CACNB2: variants seen among roughly 807,000 people sequenced by gnomAD.
CACNB2 encodes the protein voltage-dependent L-type calcium channel subunit beta-2.
CACNB2 carries 42 observed loss-of-function variants against 73.3 expected under a neutral mutation model. That is an observed-to-expected ratio of 0.57 (90% CI 0.45 to 0.74). The LOEUF (loss-of-function observed/expected upper bound fraction) is 0.74. Ranked by LOEUF, CACNB2 falls within the 30% of genes least tolerant of loss-of-function variation. The probability of loss-of-function intolerance (pLI) is 0.00; values close to 1 mark genes in which losing one functional copy is unlikely to be tolerated. For missense variants in CACNB2, 940 were observed against 853.0 expected, an observed-to-expected ratio of 1.10 and a Z score of -1.27; for synonymous variants, 348 against 310.3, an observed-to-expected ratio of 1.12 and a Z score of -1.28.
intron 8 of CACNB2, 49 bp downstream of exon 8, chr10:18,518,465 T>C: frequency 1.6e-6 from 2 of 1,238,012 alleles, no homozygotes; most frequent in Non-Finnish European, 2.4e-6. Flanking sequence ...CTGAACTTCT[T>C]TGTGATGCTG....
At chr10:18,293,893 G>T (rs939496635) in intron 2 of CACNB2, among the ~76,000 whole-genome samples, 19 of 152,210 alleles carry the variant, frequency 1.2e-4, no homozygotes, top group Non-Finnish European at 1.3e-4. Context: ...ACTTTGAAAT[G>T]TTGATCATTG....
intron 2 of CACNB2, among the ~76,000 whole-genome samples, chr10:18,362,814 G>A (rs549381467): frequency 1.8e-4 from 28 of 152,128 alleles, no homozygotes; most frequent in Non-Finnish European, 3.7e-4. Context: ...AGGCTGAGGA[G>A]AGAGAATCAC....
chr10:18,426,451 T>C (rs1369993616), intron 3 of CACNB2, among the ~76,000 whole-genome samples: 1 of 152,230 alleles, frequency 6.6e-6, no homozygotes, highest in Non-Finnish European at 1.5e-5. Context: ...TATTTATCAG[T>C]CTTTCTAAAC....
intron 2 of CACNB2, among the ~76,000 whole-genome samples, chr10:18,166,904 TAAATA>T (rs927781961): frequency 1.6e-4 from 24 of 152,046 alleles, no homozygotes; most frequent in African/African-American, 5.3e-4. Flanking sequence ...TAATAAAAAA[TAAATA>T]AAATAAAAAA....
chr10:18,499,240 A>G (rs1026636922), intron 4 of CACNB2, among the ~76,000 whole-genome samples: 1 of 152,182 alleles, frequency 6.6e-6, no homozygotes, highest in Non-Finnish European at 1.5e-5. Context: ...TAGGGTATAT[A>G]TAATATGTCA....
At chr10:18,400,699 G>A (rs146063322) in intron 2 of CACNB2, 2 of 1,055,292 alleles carry the variant, frequency 1.9e-6, no homozygotes, top group South Asian at 8.5e-5. Flanking sequence ...CAATTTGAGC[G>A]CAGGGAAGAG....
At chr10:18,520,156 T>C (rs1315453169) in intron 9 of CACNB2, 1 of 177,660 alleles carries the variant, frequency 5.6e-6, no homozygotes, top group African/African-American at 2.4e-5. Context: ...TAGACCCATG[T>C]ATACAATTGC....
At chr10:18,315,519 A>C (rs1457299144) in intron 2 of CACNB2, among the ~76,000 whole-genome samples, 6 of 133,900 alleles carry the variant, frequency 4.5e-5, no homozygotes, top group Non-Finnish European at 7.9e-5. Context: ...AAAAAAAAAA[A>C]AAAAAAAAAC....
chr10:18,181,026 T>C (rs1333076854), intron 2 of CACNB2, among the ~76,000 whole-genome samples: 2 of 148,308 alleles, frequency 1.3e-5, no homozygotes, highest in Admixed American at 6.8e-5. Flanking sequence ...GAGGCTATTT[T>C]CCCCTCAAGG....
chr10:18,384,156 C>T (rs759614785), intron 2 of CACNB2, among the ~76,000 whole-genome samples: 1 of 152,154 alleles, frequency 6.6e-6, no homozygotes, highest in Admixed American at 6.5e-5. Flanking sequence ...CTGGTAGAGT[C>T]AGTACTGAGA....
chr10:18,187,073 G>C (rs912305889), intron 2 of CACNB2, among the ~76,000 whole-genome samples: 8 of 152,090 alleles, frequency 5.3e-5, no homozygotes, highest in African/African-American at 1.9e-4. Context: ...GCCATGAGAG[G>C]GGAATCAGTC....
At chr10:18,264,590 A>G (rs2037705821) in intron 2 of CACNB2, among the ~76,000 whole-genome samples, 1 of 152,134 alleles carries the variant, frequency 6.6e-6, no homozygotes, top group South Asian at 2.1e-4. Flanking sequence ...CCTGTTTCTG[A>G]ATTTTATTCA....
At chr10:18,163,024 A>G (rs896641172) in intron 2 of CACNB2, among the ~76,000 whole-genome samples, 3 of 152,186 alleles carry the variant, frequency 2.0e-5, no homozygotes, top group African/African-American at 7.2e-5. Context: ...GCACCAGGCC[A>G]TGAAGGACCT....
At chr10:18,347,905 T>A (rs2041535317) in intron 2 of CACNB2, among the ~76,000 whole-genome samples, 1 of 152,232 alleles carries the variant, frequency 6.6e-6, no homozygotes, top group African/African-American at 2.4e-5. Context: ...AAATTCTACA[T>A]CAGAAGGTTT....
chr10:18,151,523 T>G lies in CACNB2; in HGVS notation c.213+548T>G, dbSNP rs554223851. ...TTCGTCTCATTTAATGTGTAGTATC[T>G]TCCTGCCAAGCAGCCTGGAACAGTC... On this transcript the variant is annotated intron_variant, in intron 2 of 13. Coordinates refer to ENST00000324631, the MANE Select transcript of CACNB2 (RefSeq NM_201596.3). Among the ~76,000 whole-genome samples the G allele has an allele frequency of 5.9e-5, 9 of 152,266 alleles. No individual in the cohort carries two copies. The East Asian group carries it at 1.7e-3, about 29-fold the overall frequency.
At chr10:18,418,532 T>C (rs887033115) in intron 3 of CACNB2, among the ~76,000 whole-genome samples, 2 of 152,204 alleles carry the variant, frequency 1.3e-5, no homozygotes, top group African/African-American at 2.4e-5. Context: ...GCAGATAAGA[T>C]TGAAAACCTA....
At chr10:18,244,346 C>G (rs2036779541) in intron 2 of CACNB2, among the ~76,000 whole-genome samples, 1 of 152,178 alleles carries the variant, frequency 6.6e-6, no homozygotes, top group Admixed American at 6.5e-5. Context: ...TTAAAAACAT[C>G]ATTTAAAAAC....
chr10:18,471,204 G>A (rs2048171509), intron 3 of CACNB2, among the ~76,000 whole-genome samples: 2 of 152,154 alleles, frequency 1.3e-5, no homozygotes, highest in Admixed American at 1.3e-4. Context: ...TACTCGGGAG[G>A]CTGAGGCAGG....
In CACNB2 at chr10:18,140,630, G is replaced by A. The variant is rs1022723654; in HGVS notation, c.-107G>A. The A allele has an allele frequency of 7.2e-6, 7 of 969,438 alleles. No homozygotes were observed. The highest frequency in any genetic ancestry group is 1.6e-5 in the African/African-American group (1 of 61,232). 60.1% of individuals were successfully genotyped at this position (969,438 alleles called of 1,614,324 possible). Reference sequence around the variant, plus strand: ...CTGCGCCGAGAACGGCCGGGCCTGAGCCCTGGGCGGCCCCCAGAGCCGATC... The same window carrying A: ...CTGCGCCGAGAACGGCCGGGCCTGAACCCTGGGCGGCCCCCAGAGCCGATC... On this transcript the variant is annotated 5_prime_UTR_variant, in exon 1 of 14. Coordinates refer to ENST00000324631, the MANE Select transcript of CACNB2 (RefSeq NM_201596.3).
Sources: allele counts gnomAD v4.1 joint callset (sites outside exome capture counted in the v4.1 genomes callset), GRCh38; gene constraint gnomAD v4.1.1; transcripts MANE v1.5; gene names NCBI Gene and HGNC (gene_info 2026-07-23, HGNC 2026-07-21).